Variants in PPP1R16B observed in about 807,000 individuals in gnomAD.
PPP1R16B encodes protein phosphatase 1 regulatory subunit 16B.
In PPP1R16B, 14 loss-of-function variants were observed where a neutral mutation model predicts 61.7. That is an observed-to-expected ratio of 0.23 (90% confidence interval 0.15 to 0.35). The LOEUF (loss-of-function observed/expected upper bound fraction) is 0.35, where lower values mean the gene tolerates loss of function less well. Among genes scored for constraint, PPP1R16B ranks in the 10% least tolerant of loss-of-function variants. PPP1R16B has a pLI of 1.00. For missense variants in PPP1R16B, 547 were observed against 752.5 expected (o/e 0.73, Z 3.19); for synonymous variants, 266 against 305.3 (o/e 0.87, Z 1.34).
chr20:38,888,876 AACACACACACACACAC>A (rs1181903301), intron 2 of PPP1R16B, among the ~76,000 whole-genome samples: 77 of 112,300 alleles, frequency 6.9e-4, no homozygotes, highest in African/African-American at 1.4e-3. Flanking sequence ...AGAATCCCTG[AACACACACACACACAC>A]ACACACACAC....
At chr20:38,896,588 C>T (rs140499394) in intron 4 of PPP1R16B, among the ~76,000 whole-genome samples, 173 of 152,158 alleles carry the variant, frequency 1.1e-3, no homozygotes, top group Non-Finnish European at 1.9e-3. Context: ...TCCCTTTCCC[C>T]CCAATTTTTT....
At chr20:38,817,648 C>T (rs974415370) in intron 1 of PPP1R16B, among the ~76,000 whole-genome samples, 1 of 151,966 alleles carries the variant, frequency 6.6e-6, no homozygotes, top group Non-Finnish European at 1.5e-5. Context: ...CTGGAAAGCC[C>T]TTAAGAGATG....
At chr20:38,869,100 T>G (rs548121793) in intron 2 of PPP1R16B, among the ~76,000 whole-genome samples, 12 of 152,250 alleles carry the variant, frequency 7.9e-5, no homozygotes, top group South Asian at 6.2e-4. Flanking sequence ...AAGGCTATTT[T>G]TTTCCTTTTT....
chr20:38,895,895 C>CT (rs2085335571), intron 4 of PPP1R16B, among the ~76,000 whole-genome samples, 185 bp downstream of exon 4: 1 of 108,542 alleles, frequency 9.2e-6, no homozygotes, highest in Non-Finnish European at 2.0e-5. Context: ...TCTTCCCTCC[C>CT]TCCCTCCTTC....
At chr20:38,914,735 C>G (rs2085519543) in intron 10 of PPP1R16B, among the ~76,000 whole-genome samples, 1 of 152,226 alleles carries the variant, frequency 6.6e-6, no homozygotes, top group South Asian at 2.1e-4. Flanking sequence ...ATGGTACAAA[C>G]ATGGCTCACT....
chr20:38,839,854 C>T (rs961310387), intron 2 of PPP1R16B, among the ~76,000 whole-genome samples: 2 of 152,200 alleles, frequency 1.3e-5, no homozygotes, highest in African/African-American at 2.4e-5. Context: ...CCAGTAGCTT[C>T]GCTTTTGCCA....
In PPP1R16B at chr20:38,836,106, C is replaced by A. The variant is rs916682056; in HGVS notation, c.181C>A (p.Arg61Ser). Residue 61 changes from arginine (R) to serine (S), a missense_variant, in exon 2 of 11, where the codon CGC becomes AGC. Coordinates refer to ENST00000299824, the MANE Select transcript of PPP1R16B (RefSeq NM_015568.4). ...HERKRSTGGRRKKVSFEASVA... is the reference protein window; with the variant it reads ...HERKRSTGGRSKKVSFEASVA... The stretch of plus-strand genomic sequence containing the variant: ...GCGGAAGCGCAGCACGGGCGGCCGC[C>A]GCAAGAAAGTGTCCTTCGAGGCCAG... 6.2e-7 allele frequency: 1 copy of A among 1,612,438 alleles called. No homozygotes were observed. Among genetic ancestry groups the A allele is most frequent in the African/African-American group, 1.3e-5 (1 of 74,946 alleles).
chr20:38,861,616 A>C (rs1468960349), intron 2 of PPP1R16B, among the ~76,000 whole-genome samples: 4 of 151,318 alleles, frequency 2.6e-5, no homozygotes, highest in African/African-American at 9.7e-5. Flanking sequence ...AGCCTGCATC[A>C]ATCTGCTGTT....
At chr20:38,903,867 G>A (rs2085418586) in intron 6 of PPP1R16B, among the ~76,000 whole-genome samples, 1 of 152,224 alleles carries the variant, frequency 6.6e-6, no homozygotes, top group South Asian at 2.1e-4. Flanking sequence ...CAACCTGTAA[G>A]TCAAAATTCA....
intron 2 of PPP1R16B, among the ~76,000 whole-genome samples, chr20:38,888,923 A>ACACACC (rs1452377549): frequency 7.0e-6 from 1 of 142,676 alleles, no homozygotes; most frequent in Non-Finnish European, 1.6e-5. Flanking sequence ...ACACACACAC[A>ACACACC]CACACCCCTA....
chr20:38,889,723 C>T lies in PPP1R16B; in HGVS notation c.321+58C>T, dbSNP rs1382908438. 2.0e-6 allele frequency: 3 copies of T among 1,497,220 alleles called. No individual in the cohort carries two copies. In the African/African-American group the frequency reaches 4.1e-5, roughly 21 times the overall value. The allele number at this position is 1,497,220 out of a possible 1,614,324, so 92.7% of individuals were successfully genotyped here. A position where few individuals can be genotyped will look rare whatever the true frequency, so the allele number is the denominator to read the frequency against. On this transcript the variant is annotated intron_variant, in intron 3 of 10. Transcript: ENST00000299824. ...CCTGCCCCTCACCTGGACAGGTACC[C>T]TGTTTCTCGGCACTTTCCTGCTCAG...
At chr20:38,883,917 G>A (rs557998583) in intron 2 of PPP1R16B, among the ~76,000 whole-genome samples, 4 of 152,340 alleles carry the variant, frequency 2.6e-5, no homozygotes, top group Non-Finnish European at 4.4e-5. Context: ...AAGCAGAGAA[G>A]GGGAATAACT....
chr20:38,830,860 T>G (rs768841850), intron 1 of PPP1R16B, among the ~76,000 whole-genome samples: 6 of 152,172 alleles, frequency 3.9e-5, no homozygotes, highest in Non-Finnish European at 8.8e-5. Context: ...GCTGGGGAAG[T>G]TCTTTGAAAG....
At position 38,900,608 on chromosome 20, in the gene PPP1R16B, G is replaced by C. The variant is rs34142152; in HGVS notation, c.495G>C (p.Ser165=). ...GGGCCGACTTGCTTGCTGTCAACTCGGATGGGAACATGCCATATGACCTCT... is the reference window on the plus strand; with the variant it reads ...GGGCCGACTTGCTTGCTGTCAACTCCGATGGGAACATGCCATATGACCTCT... ...QYGADLLAVN[S]DGNMPYDLCE... Residue 165 remains serine (S), a synonymous_variant, in exon 5 of 11, where the codon TCG becomes TCC. Coordinates refer to ENST00000299824, the MANE Select transcript of PPP1R16B (RefSeq NM_015568.4). 1.2e-6 allele frequency: 2 copies of C among 1,601,470 alleles called. No homozygotes were observed. The highest frequency in any genetic ancestry group is 1.7e-6 in the Non-Finnish European group (2 of 1,174,780).
In PPP1R16B at chr20:38,890,454, C is replaced by T. The variant is rs376965223; in HGVS notation, c.321+789C>T. ...AGGTCCTTGTACCCAGTGGGCTCCT[C>T]CCCACCACACTTCCCACAGCACTTG... On this transcript the variant is annotated intron_variant, in intron 3 of 10. Transcript: ENST00000299824. 2.6e-5 allele frequency among the ~76,000 whole-genome samples: 4 copies of T among 152,332 alleles called. No individual in the cohort carries two copies. The East Asian group carries it at 5.8e-4, about 22-fold the overall frequency.
At chr20:38,868,060 C>T (rs2085102061) in intron 2 of PPP1R16B, among the ~76,000 whole-genome samples, 1 of 152,222 alleles carries the variant, frequency 6.6e-6, no homozygotes, top group East Asian at 1.9e-4. Flanking sequence ...ACTATGCACC[C>T]TCATAGCATG....
At chr20:38,851,557 AT>A (rs761831338) in intron 2 of PPP1R16B, among the ~76,000 whole-genome samples, 17 of 152,188 alleles carry the variant, frequency 1.1e-4, no homozygotes, top group Non-Finnish European at 2.5e-4. Context: ...CAGAGTAGCA[AT>A]TCATGCACAG....
rs2085560819 is a variant in PPP1R16B, at chr20:38,918,411, G to A, written c.1449G>A (p.Leu483=). The change falls in exon 11 of 11, where the codon CTG becomes CTA. Residue 483 remains leucine, a synonymous_variant. Transcript: ENST00000299824. The surrounding 1 kb of genome is among the most constrained non-coding windows in gnomAD (Gnocchi z 5.3). ...AGAGCCCTCAGACGCTTCTGGAGCTGAAGCGGCAGCGGGCTGCAGCCAAGC... is the reference window on the plus strand; with the variant it reads ...AGAGCCCTCAGACGCTTCTGGAGCTAAAGCGGCAGCGGGCTGCAGCCAAGC... ...KEQSPQTLLE[L]KRQRAAAKLL... is the part of the protein sequence containing the mutation. The A allele has an allele frequency of 6.2e-7, 1 of 1,614,022 alleles. No homozygotes were observed.
At chr20:38,847,792 CTT>C (rs2084944324) in intron 2 of PPP1R16B, among the ~76,000 whole-genome samples, 1 of 152,038 alleles carries the variant, frequency 6.6e-6, no homozygotes, top group Non-Finnish European at 1.5e-5. Context: ...GATGCCAACT[CTT>C]TGTTGTCATG....
Sources: allele counts gnomAD v4.1 joint callset (sites outside exome capture counted in the v4.1 genomes callset), GRCh38; gene constraint gnomAD v4.1.1; non-coding constraint Gnocchi (gnomAD v3.1); transcripts MANE v1.5; gene names NCBI Gene and HGNC (gene_info 2026-07-23, HGNC 2026-07-21).